The following COLEC12 variants were observed in gnomAD, a reference collection of about 807,000 sequenced individuals.
The protein encoded by COLEC12 is collectin subfamily member 12.
COLEC12 carries 33 observed loss-of-function variants against 71.1 expected under a neutral mutation model. The observed-to-expected ratio is 0.46, with a 90% CI of 0.35 to 0.62. The LOEUF (loss-of-function observed/expected upper bound fraction) is 0.62, where lower values mean the gene tolerates loss of function less well. Among genes scored for constraint, COLEC12 ranks in the 20% least tolerant of loss-of-function variants. The probability of loss-of-function intolerance (pLI) is 0.00; values close to 1 mark genes in which losing one functional copy is unlikely to be tolerated. For synonymous variants in COLEC12, 350 were observed against 353.0 expected (o/e 0.99, Z 0.10); for missense variants, 765 against 916.1 (o/e 0.84, Z 2.13).
intron 2 of COLEC12, among the ~76,000 whole-genome samples, chr18:375,263 C>T (rs1396415051): frequency 6.6e-6 from 1 of 152,250 alleles, no homozygotes; most frequent in Non-Finnish European, 1.5e-5. Flanking sequence ...TCCAGCCATG[C>T]TGGCCTCCTC....
At chr18:448,050 CT>C (rs1277778380) in intron 2 of COLEC12, among the ~76,000 whole-genome samples, 2 of 152,170 alleles carry the variant, frequency 1.3e-5, no homozygotes, top group African/African-American at 4.8e-5. Context: ...AAAATGTTGT[CT>C]CCCTGTGACT....
intron 5 of COLEC12, among the ~76,000 whole-genome samples, chr18:340,351 T>C (rs976520694): frequency 6.6e-6 from 1 of 152,018 alleles, no homozygotes; most frequent in African/African-American, 2.4e-5. Context: ...ATATGAACAA[T>C]ACCAGAGCTC....
At chr18:376,838 C>T (rs565959408) in intron 2 of COLEC12, among the ~76,000 whole-genome samples, 3 of 152,178 alleles carry the variant, frequency 2.0e-5, no homozygotes, top group African/African-American at 7.2e-5. Flanking sequence ...GTAACAGGCA[C>T]CTATGATTAT....
At chr18:369,219 C>A (rs1567886926) in intron 2 of COLEC12, among the ~76,000 whole-genome samples, 1 of 151,988 alleles carries the variant, frequency 6.6e-6, no homozygotes, top group Non-Finnish European at 1.5e-5. Context: ...TGCATTTAAA[C>A]AAGTAAAGAG....
intron 2 of COLEC12, among the ~76,000 whole-genome samples, chr18:395,233 T>C (rs1598350090): frequency 1.3e-5 from 2 of 152,330 alleles, no homozygotes; most frequent in South Asian, 2.1e-4. Flanking sequence ...AACTGGCACA[T>C]GGCATGCATC....
chr18:445,488 C>G (rs551031139), intron 2 of COLEC12, among the ~76,000 whole-genome samples: 2 of 152,230 alleles, frequency 1.3e-5, no homozygotes, highest in South Asian at 4.2e-4. Context: ...ACAATATGCC[C>G]ATTTAAAGTA....
chr18:375,452 C>T (rs1915092865), intron 2 of COLEC12, among the ~76,000 whole-genome samples: 1 of 152,132 alleles, frequency 6.6e-6, no homozygotes, highest in Non-Finnish European at 1.5e-5. Context: ...AAATGCAATC[C>T]TCCTCCCCCA....
At chr18:415,359 A>G (rs1915966809) in intron 2 of COLEC12, among the ~76,000 whole-genome samples, 1 of 152,152 alleles carries the variant, frequency 6.6e-6, no homozygotes. Flanking sequence ...TATCATTGTG[A>G]TATCTCTTCT....
chr18:497,514 C>T (rs1669051880), intron 1 of COLEC12, among the ~76,000 whole-genome samples: 1 of 152,232 alleles, frequency 6.6e-6, no homozygotes, highest in East Asian at 1.9e-4. Flanking sequence ...AAGCTATTCT[C>T]CTGCCTCAGC....
At chr18:439,010 A>G (rs1289437422) in intron 2 of COLEC12, among the ~76,000 whole-genome samples, 3 of 152,260 alleles carry the variant, frequency 2.0e-5, no homozygotes, top group Admixed American at 2.0e-4. Context: ...TGCCCTTAAC[A>G]TGCCTCATCT....
At chr18:324,875 G>A (rs1913800080) in intron 8 of COLEC12, among the ~76,000 whole-genome samples, 1 of 151,178 alleles carries the variant, frequency 6.6e-6, no homozygotes, top group Non-Finnish European at 1.5e-5. Context: ...GAATGAAAGA[G>A]CCTGGAACAG....
chr18:397,619 T>G (rs1178266379), intron 2 of COLEC12, among the ~76,000 whole-genome samples: 1 of 152,234 alleles, frequency 6.6e-6, no homozygotes, highest in Non-Finnish European at 1.5e-5. Flanking sequence ...TTGCTGTTTT[T>G]GTCAGTTTGG....
chr18:371,189 T>C (rs528441396), intron 2 of COLEC12, among the ~76,000 whole-genome samples: 2 of 152,308 alleles, frequency 1.3e-5, no homozygotes, highest in African/African-American at 4.8e-5. Flanking sequence ...CAACACCTAG[T>C]AAAGCAAAAG....
chr18:400,025 A>G (rs556698758), intron 2 of COLEC12, among the ~76,000 whole-genome samples: 3 of 152,218 alleles, frequency 2.0e-5, no homozygotes, highest in African/African-American at 7.2e-5. Context: ...TTTTGCAAGG[A>G]CTTCCAGCTT....
chr18:406,149 G>T (rs1319146174), intron 2 of COLEC12, among the ~76,000 whole-genome samples: 2 of 151,884 alleles, frequency 1.3e-5, no homozygotes, highest in Non-Finnish European at 2.9e-5. Context: ...TACTCTATAG[G>T]GTCTAAAAAG....
At chr18:351,030 T>C (rs1199828608) in intron 3 of COLEC12, among the ~76,000 whole-genome samples, 2 of 151,748 alleles carry the variant, frequency 1.3e-5, no homozygotes, top group African/African-American at 4.8e-5. Context: ...CCAACGGATC[T>C]AATTTATTGT....
rs759549025 is a variant in COLEC12, at chr18:335,223, C to T, written c.1335G>A (p.Pro445=). The part of the protein sequence containing the change: ...IKNFTILQGP[P]GPRGPRGDRG... ...TGTCACCTCTTGGACCCCTGGGGCCCGGTGGACCTAAAGCATAAAAGAAAA... is the reference window on the plus strand; with the variant it reads ...TGTCACCTCTTGGACCCCTGGGGCCTGGTGGACCTAAAGCATAAAAGAAAA... Residue 445 remains proline (P), a synonymous_variant, in exon 6 of 10, where the codon CCG becomes CCA. Coordinates refer to ENST00000400256, the MANE Select transcript of COLEC12 (RefSeq NM_130386.3). The T allele has an allele frequency of 7.7e-5, 123 of 1,587,802 alleles. No homozygotes were observed. The highest frequency in any genetic ancestry group is 9.6e-5 in the Non-Finnish European group (113 of 1,172,582).
chr18:354,528 T>G (rs928175510), intron 3 of COLEC12, among the ~76,000 whole-genome samples: 1 of 152,240 alleles, frequency 6.6e-6, no homozygotes, highest in Non-Finnish European at 1.5e-5. Flanking sequence ...AATATTCTTT[T>G]CTTTCTTTCT....
At chr18:323,054 G>A (rs1472295997) in intron 8 of COLEC12, among the ~76,000 whole-genome samples, 1 of 152,106 alleles carries the variant, frequency 6.6e-6, no homozygotes, top group African/African-American at 2.4e-5. Context: ...GCGAAACCCT[G>A]TCTCTACTAA....
Sources: gnomAD v4.1 joint callset for allele counts (sites outside exome capture counted in the v4.1 genomes callset) on GRCh38, gnomAD v4.1.1 for gene constraint, MANE v1.5 for transcripts, NCBI Gene and HGNC (gene_info 2026-07-23, HGNC 2026-07-21) for gene names.